Variants in GRIA1 observed in about 807,000 individuals in gnomAD.
GRIA1 encodes the protein glutamate receptor 1.
Under a neutral mutation model 99.2 loss-of-function variants are expected in GRIA1, and 31 were observed. The observed-to-expected ratio is 0.31, with a 90% CI of 0.23 to 0.42. GRIA1 has a LOEUF of 0.42. GRIA1 is among the 10% of genes least tolerant of loss of function. The pLI, the probability that GRIA1 is intolerant of heterozygous loss-of-function variation, is 1.00. For missense variants in GRIA1, 782 were observed against 1,157.5 expected (o/e 0.68, Z 4.71); for synonymous variants, 438 against 432.4 (o/e 1.01, Z -0.16).
intron 2 of GRIA1, among the ~76,000 whole-genome samples, chr5:153,616,795 G>T (rs1402416259): frequency 2.0e-5 from 3 of 151,986 alleles, no homozygotes; most frequent in African/African-American, 7.2e-5. Context: ...TGAGTTGGAG[G>T]CCATGTGGCT....
intron 2 of GRIA1, among the ~76,000 whole-genome samples, chr5:153,515,093 A>G (rs951639261): frequency 6.6e-6 from 1 of 152,232 alleles, no homozygotes; most frequent in Non-Finnish European, 1.5e-5. Context: ...GATTCAACCA[A>G]TTGAATCATG....
chr5:153,746,666 T>TG (rs1762183161), intron 11 of GRIA1, among the ~76,000 whole-genome samples: 1 of 152,002 alleles, frequency 6.6e-6, no homozygotes, highest in Admixed American at 6.6e-5. Flanking sequence ...GCTCTGGGGG[T>TG]GGGGGCCTCT....
chr5:153,502,626 G>A (rs1400203744), intron 2 of GRIA1, among the ~76,000 whole-genome samples: 3 of 152,150 alleles, frequency 2.0e-5, no homozygotes, highest in African/African-American at 4.8e-5. Flanking sequence ...TGCATCTTAC[G>A]ACTTTGGTGT....
At chr5:153,726,304 C>T (rs1760522289) in intron 11 of GRIA1, among the ~76,000 whole-genome samples, 1 of 148,748 alleles carries the variant, frequency 6.7e-6, no homozygotes, top group South Asian at 2.3e-4. Flanking sequence ...ATCCAAACTT[C>T]ACACCCTAAC....
chr5:153,598,251 G>T (rs139315458), intron 2 of GRIA1, among the ~76,000 whole-genome samples: 2 of 152,092 alleles, frequency 1.3e-5, no homozygotes, highest in East Asian at 3.9e-4. Flanking sequence ...GAGGGAGAAT[G>T]CAAGAATAGG....
At chr5:153,766,377 C>T (rs1312448806) in intron 12 of GRIA1, among the ~76,000 whole-genome samples, 1 of 152,184 alleles carries the variant, frequency 6.6e-6, no homozygotes, top group African/African-American at 2.4e-5. Flanking sequence ...ATGCCCCAAC[C>T]CCTGCTAATG....
intron 15 of GRIA1, among the ~76,000 whole-genome samples, chr5:153,810,718 T>G (rs1409559462): frequency 6.6e-6 from 1 of 152,146 alleles, no homozygotes; most frequent in Admixed American, 6.5e-5. Flanking sequence ...CATTAATCAA[T>G]AATACCAAGG....
chr5:153,782,261 G>C (rs1259962848), intron 13 of GRIA1, among the ~76,000 whole-genome samples: 4 of 152,206 alleles, frequency 2.6e-5, no homozygotes, highest in Admixed American at 2.6e-4. Context: ...CACACAGCGA[G>C]TAAGTGGCAG....
intron 2 of GRIA1, among the ~76,000 whole-genome samples, chr5:153,636,347 A>G (rs1226190453): frequency 6.6e-6 from 1 of 152,240 alleles, no homozygotes; most frequent in African/African-American, 2.4e-5. Flanking sequence ...CATCCTTGCT[A>G]TCTAGCAGCA....
chr5:153,568,982 C>A (rs1761889350), intron 2 of GRIA1, among the ~76,000 whole-genome samples: 1 of 151,854 alleles, frequency 6.6e-6, no homozygotes, highest in South Asian at 2.1e-4. Flanking sequence ...CTGCTGAAAT[C>A]CCACTTCCAT....
At chr5:153,579,891 A>G (rs1218272668) in intron 2 of GRIA1, among the ~76,000 whole-genome samples, 1 of 141,932 alleles carries the variant, frequency 7.0e-6, no homozygotes, top group Non-Finnish European at 1.5e-5. Context: ...AAACAAACAA[A>G]CAAACAAAAA....
intron 2 of GRIA1, among the ~76,000 whole-genome samples, chr5:153,553,238 T>C (rs1760314372): frequency 6.6e-6 from 1 of 152,210 alleles, no homozygotes; most frequent in Non-Finnish European, 1.5e-5. Flanking sequence ...GGGATTCCCA[T>C]TTTATGATGG....
chr5:153,638,940 G>C (rs891401047), intron 2 of GRIA1, among the ~76,000 whole-genome samples: 6 of 152,188 alleles, frequency 3.9e-5, no homozygotes, highest in Non-Finnish European at 8.8e-5. Context: ...AAGAAAGAAA[G>C]CAGGAGGCAG....
chr5:153,702,968 G>T (rs925729281), intron 10 of GRIA1, among the ~76,000 whole-genome samples: 2 of 152,182 alleles, frequency 1.3e-5, no homozygotes, highest in Admixed American at 6.5e-5. Flanking sequence ...TACACAATCA[G>T]CCAGTTGCAG....
chr5:153,712,745 A>T (rs528676758), intron 11 of GRIA1, among the ~76,000 whole-genome samples: 2 of 152,312 alleles, frequency 1.3e-5, no homozygotes, highest in South Asian at 4.1e-4. Context: ...TGTCACAAGG[A>T]TGTGTCAAAA....
chr5:153,628,827 C>T (rs1488703790), intron 2 of GRIA1, among the ~76,000 whole-genome samples: 1 of 152,158 alleles, frequency 6.6e-6, no homozygotes, highest in Non-Finnish European at 1.5e-5. Context: ...GGATGGTCCA[C>T]TCTTTGTTGT....
At chr5:153,698,310 C>T (rs113928988) in intron 9 of GRIA1, among the ~76,000 whole-genome samples, 156 bp downstream of exon 9, 6 of 152,166 alleles carry the variant, frequency 3.9e-5, no homozygotes, top group Admixed American at 2.6e-4. Context: ...AAATGAGAGG[C>T]TCTGAGTTTT....
intron 11 of GRIA1, among the ~76,000 whole-genome samples, chr5:153,708,835 AG>A (rs1759106012): frequency 6.6e-6 from 1 of 152,176 alleles, no homozygotes; most frequent in Admixed American, 6.5e-5. Flanking sequence ...ACTGGGAGGA[AG>A]GGTTGGTGAC....
At chr5:153,565,400 T>A (rs1761526237) in intron 2 of GRIA1, among the ~76,000 whole-genome samples, 1 of 152,204 alleles carries the variant, frequency 6.6e-6, no homozygotes, top group South Asian at 2.1e-4. Flanking sequence ...CCCAAAAAAG[T>A]AAAATAGCAA....
Sources: gnomAD v4.1 joint callset for allele counts (sites outside exome capture counted in the v4.1 genomes callset) on GRCh38, gnomAD v4.1.1 for gene constraint, MANE v1.5 for transcripts, NCBI Gene and HGNC (gene_info 2026-07-23, HGNC 2026-07-21) for gene names.